PCF11: variants seen among roughly 807,000 people sequenced by gnomAD.
The protein encoded by PCF11 is pre-mRNA cleavage complex 2 protein Pcf11.
PCF11 carries 19 observed loss-of-function variants against 166.1 expected under a neutral mutation model. The ratio of observed to expected loss-of-function variants is 0.11; its 90% CI spans 0.08 to 0.17. The LOEUF is 0.17. Among genes scored for constraint, PCF11 ranks in the 10% least tolerant of loss-of-function variants. The pLI is 1.00. For synonymous variants in PCF11, 663 were observed against 644.1 expected, an observed-to-expected ratio of 1.03 and a Z score of -0.44; for missense variants, 1,565 against 1,855.5, an observed-to-expected ratio of 0.84 and a Z score of 2.88.
chr11:83,181,482 A>T lies in PCF11; in HGVS notation c.4167+291A>T, dbSNP rs1861083938. On this transcript the variant is annotated intron_variant, in intron 12 of 15. Transcript: ENST00000298281. ...AGTCCAAGGCTTTGACCCCTGGAAT[A>T]TAAACACATTTTTTAAAAAATGAAT... 1.3e-5 allele frequency among the ~76,000 whole-genome samples: 2 copies of T among 150,368 alleles called. 1 individual carries two copies. Among genetic ancestry groups the T allele is most frequent in the South Asian group, 4.2e-4 (2 of 4,804 alleles).
exon 8 of PCF11, chr11:83,169,661 T>C: frequency 6.2e-7 from 1 of 1,614,020 alleles, no homozygotes. Context: ...GATATTCCTC[T>C]TGGTCTTCAA....
At chr11:83,172,027 G>A (rs1860707912) in intron 9 of PCF11, 113 bp downstream of exon 9, 1 of 637,028 alleles carries the variant, frequency 1.6e-6, no homozygotes, top group Non-Finnish European at 2.8e-6. Flanking sequence ...ATTTAATTTA[G>A]AGAAATTTAA....
At chr11:83,162,134 G>GAGGACA (rs1258081504) in intron 2 of PCF11, among the ~76,000 whole-genome samples, 4 of 152,154 alleles carry the variant, frequency 2.6e-5, no homozygotes, top group Non-Finnish European at 5.9e-5. Flanking sequence ...TTATGTTGAG[G>GAGGACA]AGGACAAGGG....
At chr11:83,160,333 T>TG (rs1240788887) in intron 1 of PCF11, among the ~76,000 whole-genome samples, 2 of 146,274 alleles carry the variant, frequency 1.4e-5, no homozygotes, top group Non-Finnish European at 3.0e-5. Context: ...TTTTTTTTTT[T>TG]TTTTTTTTTT....
At chr11:83,183,441 C>T (rs1192735897) in intron 15 of PCF11, among the ~76,000 whole-genome samples, 4 of 151,622 alleles carry the variant, frequency 2.6e-5, no homozygotes, top group Non-Finnish European at 1.5e-5. Flanking sequence ...GCATTTACTG[C>T]TATTTTTTTT....
chr11:83,170,650 A>T (rs1295009319), intron 8 of PCF11, among the ~76,000 whole-genome samples: 6 of 152,184 alleles, frequency 3.9e-5, no homozygotes, highest in Admixed American at 3.9e-4. Context: ...AGACAACTTT[A>T]AGGCAGTATG....
exon 13 of PCF11, chr11:83,181,976 A>T: frequency 6.2e-7 from 1 of 1,612,778 alleles, no homozygotes; most frequent in Non-Finnish European, 8.5e-7. Context: ...AAGAGTTCCA[A>T]AGTGTACCTG....
At chr11:83,157,176 C>T (rs1391641141) in exon 1 of PCF11, 21 of 575,368 alleles carry the variant, frequency 3.6e-5, no homozygotes, top group South Asian at 4.5e-5. Flanking sequence ...GAGCTGGAGC[C>T]GCCACTGCCG....
exon 8 of PCF11, chr11:83,169,461 G>T (rs1355996452): frequency 6.2e-7 from 1 of 1,613,700 alleles, no homozygotes; most frequent in Non-Finnish European, 8.5e-7. Context: ...TTGATGGGCA[G>T]CCAGGTCAGC....
chr11:83,158,557 A>G (rs777969507), intron 1 of PCF11: 14 of 152,284 alleles, frequency 9.2e-5, no homozygotes, highest in South Asian at 4.1e-4. Flanking sequence ...GTGGATTCAT[A>G]TGGGAGCGAT....
At chr11:83,166,800 A>T in intron 5 of PCF11, 86 bp downstream of exon 5, 1 of 1,112,116 alleles carries the variant, frequency 9.0e-7, no homozygotes, top group Non-Finnish European at 1.3e-6. Flanking sequence ...AATGTTTATT[A>T]GGTGCTATTA....
At position 83,167,175 on chromosome 11, in the gene PCF11, A is replaced by G; in HGVS notation, c.1868A>G (p.Glu623Gly). The G allele has an allele frequency of 6.2e-7, 1 of 1,613,690 alleles. No homozygotes were observed. The highest frequency in any genetic ancestry group is 8.5e-7 in the Non-Finnish European group (1 of 1,179,660). Residue 623 changes from glutamate (E) to glycine (G), a missense_variant, in exon 6 of 16, where the codon GAG (glutamate) becomes GGG (glycine). By Grantham distance (98) the Glu-to-Gly change is moderately conservative. Coordinates refer to ENST00000298281, the Ensembl canonical transcript of PCF11. This position sits in a 1 kb window ranked among gnomAD's most constrained non-coding sequence, Gnocchi z 4.2. ...AAACCTCCTCATCTGAGGCATAGGGAGAGCTGGTCAAGCACTAAAGGAATT... is the reference window on the plus strand; with the variant it reads ...AAACCTCCTCATCTGAGGCATAGGGGGAGCTGGTCAAGCACTAAAGGAATT...
chr11:83,181,845 C>T lies in PCF11; in HGVS notation c.4168-9C>T, dbSNP rs1335709887. The T allele has an allele frequency of 6.3e-7, 1 of 1,576,588 alleles. No homozygotes were observed. Among genetic ancestry groups the T allele is most frequent in the Admixed American group, 2.0e-5 (1 of 51,192 alleles). The stretch of plus-strand genomic sequence containing the variant: ...TGGAATAATCTTTTAAAAATCAACT[C>T]CTTTTAAGGACTGGATAGAATTTGA... On this transcript the variant is annotated splice_polypyrimidine_tract_variant and intron_variant, in intron 12 of 15. Transcript: ENST00000298281.
At chr11:83,177,251 T>G in intron 10 of PCF11, 47 bp downstream of exon 10, 1 of 1,423,146 alleles carries the variant, frequency 7.0e-7, no homozygotes, top group Non-Finnish European at 9.4e-7. Flanking sequence ...TCATTAAGTT[T>G]TTGAGATGTA....
At chr11:83,159,384 T>C (rs1860139469) in intron 1 of PCF11, among the ~76,000 whole-genome samples, 1 of 152,196 alleles carries the variant, frequency 6.6e-6, no homozygotes, top group African/African-American at 2.4e-5. Context: ...AAAATCTAAT[T>C]ACCTCGTATC....
chr11:83,167,416 C>T lies in PCF11; in HGVS notation c.2003C>T (p.Thr668Met). The change falls in exon 7 of 16, where the codon ACG (threonine) becomes ATG (methionine). Residue 668 changes from threonine to methionine, a missense_variant and splice_region_variant. Transcript: ENST00000298281. The surrounding 1 kb of genome is among the most constrained non-coding windows in gnomAD (Gnocchi z 4.2). ...TTTCCTTTTATCACCCCTATACAGA[C>T]GAGTGAACGTTTAGCATCTGGTGAA... The T allele has an allele frequency of 1.3e-6, 2 of 1,592,772 alleles. No individual in the cohort carries two copies. The highest frequency in any genetic ancestry group is 1.7e-6 in the Non-Finnish European group (2 of 1,172,380).
chr11:83,159,843 A>G (rs1330657088), intron 1 of PCF11, among the ~76,000 whole-genome samples: 1 of 152,194 alleles, frequency 6.6e-6, no homozygotes, highest in Non-Finnish European at 1.5e-5. Context: ...CTCCCAAGAG[A>G]GAGCAGTAGC....
At chr11:83,177,204 C>A in exon 10 of PCF11, 1 of 1,535,596 alleles carries the variant, frequency 6.5e-7, no homozygotes, top group Non-Finnish European at 8.8e-7. Flanking sequence ...AGCTACAACA[C>A]GTAAGTGTGA....
intron 15 of PCF11, 105 bp from the exon 16 acceptor site, chr11:83,184,574 G>C: frequency 4.1e-6 from 3 of 735,244 alleles, no homozygotes; most frequent in South Asian, 3.4e-5. Flanking sequence ...GCATTTGGTT[G>C]TATGTGTGTT....
Sources: gnomAD v4.1 joint callset for allele counts (sites outside exome capture counted in the v4.1 genomes callset) on GRCh38, gnomAD v4.1.1 for gene constraint, Gnocchi (gnomAD v3.1) non-coding constraint, MANE v1.5 for transcripts, NCBI Gene and HGNC (gene_info 2026-07-23, HGNC 2026-07-21) for gene names.